EHBP1: variants seen among roughly 807,000 people sequenced by gnomAD.
The protein encoded by EHBP1 is EH domain-binding protein 1.
In EHBP1, 55 loss-of-function variants were observed where a neutral mutation model predicts 144.0. The ratio of observed to expected loss-of-function variants is 0.38; its 90% CI spans 0.31 to 0.48. The LOEUF (loss-of-function observed/expected upper bound fraction) is 0.48. Ranked by LOEUF, EHBP1 falls within the 20% of genes least tolerant of loss-of-function variation. The pLI is 0.98. For synonymous variants in EHBP1, 469 were observed against 472.7 expected, an observed-to-expected ratio of 0.99 and a Z score of 0.10; for missense variants, 1,200 against 1,364.2, an observed-to-expected ratio of 0.88 and a Z score of 1.90.
intron 4 of EHBP1, among the ~76,000 whole-genome samples, chr2:62,770,431 T>C (rs1171751641): frequency 6.6e-6 from 1 of 152,204 alleles, no homozygotes; most frequent in African/African-American, 2.4e-5. Flanking sequence ...TCAGTGATCA[T>C]TAGAGGAATG....
chr2:62,882,184 G>T (rs1030976285), intron 10 of EHBP1, among the ~76,000 whole-genome samples: 1 of 152,162 alleles, frequency 6.6e-6, no homozygotes, highest in African/African-American at 2.4e-5. Flanking sequence ...GTTTTAGAGG[G>T]AGAGTTTGTT....
chr2:62,922,130 G>A (rs2710641), intron 10 of EHBP1, among the ~76,000 whole-genome samples: 60,139 of 151,924 alleles, frequency 0.4, 12,496 homozygotes, highest in East Asian at 0.68. Context: ...AGCGGAGATC[G>A]CACCACTGCA....
At chr2:63,029,332 C>G (rs897673638) in intron 19 of EHBP1, among the ~76,000 whole-genome samples, 21 of 151,916 alleles carry the variant, frequency 1.4e-4, no homozygotes, top group African/African-American at 4.6e-4. Context: ...GGAACACTAA[C>G]TATAGACTTT....
intron 19 of EHBP1, among the ~76,000 whole-genome samples, chr2:63,026,336 G>GTC (rs2060978723): frequency 6.7e-6 from 1 of 150,170 alleles, no homozygotes; most frequent in Non-Finnish European, 1.5e-5. Flanking sequence ...GTGTGTGTGT[G>GTC]TGTGTGTGTC....
chr2:62,948,591 A>G lies in EHBP1; in HGVS notation c.1745A>G (p.Asn582Ser), dbSNP rs1338044345. 3 of 1,614,040 alleles carry G rather than the reference A, an allele frequency of 1.9e-6. No homozygotes were observed. The highest frequency in any genetic ancestry group is 3.3e-5 in the Admixed American group (2 of 60,012). ...TCACAGGATGACTCTGTATTTGTAA[A>G]TGATAGCGGGGTTGGAGAGTCAGAA... ...FLSQDDSVFV[N>S]DSGVGESESE... is the part of the protein sequence containing the mutation. The change falls in exon 13 of 23, where the codon AAT (asparagine) becomes AGT (serine). Residue 582 changes from asparagine to serine, a missense_variant. Physicochemically the swap from Asn to Ser is conservative, Grantham distance 46. Coordinates refer to ENST00000431489, the MANE Select transcript of EHBP1 (RefSeq NM_001142616.3).
At chr2:62,739,953 A>AG (rs2038545915) in intron 2 of EHBP1, among the ~76,000 whole-genome samples, 1 of 148,518 alleles carries the variant, frequency 6.7e-6, no homozygotes, top group Non-Finnish European at 1.5e-5. Flanking sequence ...AAAAAAAAAA[A>AG]GAAAAATTAT....
chr2:62,753,046 G>A (rs1326442430), intron 3 of EHBP1, among the ~76,000 whole-genome samples: 1 of 152,102 alleles, frequency 6.6e-6, no homozygotes, highest in Non-Finnish European at 1.5e-5. Context: ...CTGTCATTAT[G>A]ATGTTAGCTG....
chr2:62,847,275 A>G (rs1395939749), intron 7 of EHBP1, among the ~76,000 whole-genome samples: 1 of 152,190 alleles, frequency 6.6e-6, no homozygotes, highest in Non-Finnish European at 1.5e-5. Flanking sequence ...AATGAACCTC[A>G]ACCCCCACCT....
At chr2:62,900,659 G>GT (rs2053327000) in intron 10 of EHBP1, among the ~76,000 whole-genome samples, 1 of 140,168 alleles carries the variant, frequency 7.1e-6, no homozygotes, top group African/African-American at 3.1e-5. Flanking sequence ...AGTGTTTTTT[G>GT]TTTTTTGTGG....
chr2:63,038,240 G>A (rs2061524708), intron 20 of EHBP1, among the ~76,000 whole-genome samples: 3 of 151,988 alleles, frequency 2.0e-5, no homozygotes, highest in African/African-American at 7.2e-5. Flanking sequence ...GAATGAGCAG[G>A]CTTACGTGGT....
intron 7 of EHBP1, among the ~76,000 whole-genome samples, chr2:62,856,045 C>G (rs936354312): frequency 6.6e-6 from 1 of 152,156 alleles, no homozygotes; most frequent in African/African-American, 2.4e-5. Flanking sequence ...CTACCCACTG[C>G]GAGTCTCCTC....
At chr2:62,866,053 G>A (rs1240962826) in intron 9 of EHBP1, among the ~76,000 whole-genome samples, 1 of 152,210 alleles carries the variant, frequency 6.6e-6, no homozygotes, top group Non-Finnish European at 1.5e-5. Flanking sequence ...AATGATCCCT[G>A]GAGTTTGCCC....
At chr2:62,880,204 A>G (rs2051283788) in intron 10 of EHBP1, among the ~76,000 whole-genome samples, 1 of 152,216 alleles carries the variant, frequency 6.6e-6, no homozygotes, top group Non-Finnish European at 1.5e-5. Flanking sequence ...CCACATACAA[A>G]AATTAACTCA....
chr2:62,989,734 A>G (rs1346298582), intron 15 of EHBP1, among the ~76,000 whole-genome samples: 2 of 152,108 alleles, frequency 1.3e-5, no homozygotes, highest in African/African-American at 4.8e-5. Flanking sequence ...TGCAAACTAG[A>G]ATCTGGAAGC....
At chr2:62,842,409 A>G (rs992212956) in intron 7 of EHBP1, among the ~76,000 whole-genome samples, 2 of 152,180 alleles carry the variant, frequency 1.3e-5, no homozygotes, top group African/African-American at 4.8e-5. Context: ...TAAGGGCAAT[A>G]GTATTATCCA....
At chr2:62,768,480 C>G (rs943703250) in intron 4 of EHBP1, among the ~76,000 whole-genome samples, 14 of 152,096 alleles carry the variant, frequency 9.2e-5, no homozygotes, top group Admixed American at 7.2e-4. Flanking sequence ...AAATTGATTC[C>G]CTGAAAGGGA....
At chr2:62,759,367 A>G (rs1321295983) in intron 3 of EHBP1, among the ~76,000 whole-genome samples, 1 of 152,194 alleles carries the variant, frequency 6.6e-6, no homozygotes, top group East Asian at 1.9e-4. Context: ...AAAAATGATC[A>G]GGGCTCTCAT....
intron 9 of EHBP1, among the ~76,000 whole-genome samples, chr2:62,872,748 C>T (rs1008098332): frequency 3.3e-5 from 5 of 152,102 alleles, no homozygotes; most frequent in African/African-American, 1.2e-4. Context: ...AACATTTAGT[C>T]CCAATTCCCC....
chr2:63,029,637 C>T (rs2061145328), intron 19 of EHBP1, among the ~76,000 whole-genome samples: 1 of 151,988 alleles, frequency 6.6e-6, no homozygotes, highest in South Asian at 2.1e-4. Flanking sequence ...ATACCATTAT[C>T]CATATAGAGA....
Sources: gnomAD v4.1 joint callset for allele counts (sites outside exome capture counted in the v4.1 genomes callset) on GRCh38, gnomAD v4.1.1 for gene constraint, MANE v1.5 for transcripts, NCBI Gene and HGNC (gene_info 2026-07-23, HGNC 2026-07-21) for gene names.